The following ROCK1 variants were observed in gnomAD, a reference collection of about 807,000 sequenced individuals.
ROCK1 encodes rho-associated protein kinase 1.
In ROCK1, 36 loss-of-function variants were observed where a neutral mutation model predicts 196.8. The ratio of observed to expected loss-of-function variants is 0.18; its 90% confidence interval spans 0.14 to 0.24. The LOEUF (loss-of-function observed/expected upper bound fraction) is 0.24. Ranked by LOEUF, ROCK1 falls within the 10% of genes least tolerant of loss-of-function variation. The pLI is 1.00. For synonymous variants in ROCK1, 443 were observed against 515.9 expected, an observed-to-expected ratio of 0.86 and a Z score of 1.91; for missense variants, 920 against 1,562.0, an observed-to-expected ratio of 0.59 and a Z score of 6.93.
At chr18:21,078,243 C>T (rs569482560) in intron 1 of ROCK1, among the ~76,000 whole-genome samples, 1 of 151,864 alleles carries the variant, frequency 6.6e-6, no homozygotes, top group African/African-American at 2.4e-5. Context: ...GTGCGAGAAT[C>T]GTTTGAACCC....
At chr18:21,040,371 T>C (rs1168423313) in intron 8 of ROCK1, among the ~76,000 whole-genome samples, 1 of 152,210 alleles carries the variant, frequency 6.6e-6, no homozygotes, top group Non-Finnish European at 1.5e-5. Flanking sequence ...AGCCAATGAC[T>C]ACTAATTCTT....
chr18:20,962,636 G>A (rs990015472), intron 27 of ROCK1, among the ~76,000 whole-genome samples: 6 of 151,988 alleles, frequency 3.9e-5, no homozygotes, highest in African/African-American at 1.4e-4. Flanking sequence ...TATATATCAA[G>A]GGAATCTTAT....
At chr18:20,998,236 A>G (rs1399098631) in intron 16 of ROCK1, among the ~76,000 whole-genome samples, 1 of 152,322 alleles carries the variant, frequency 6.6e-6, no homozygotes, top group Admixed American at 6.5e-5. Context: ...GAAAATTAAA[A>G]TATTTCCTGA....
At chr18:21,084,649 AC>A (rs2036511389) in intron 1 of ROCK1, among the ~76,000 whole-genome samples, 4 of 152,330 alleles carry the variant, frequency 2.6e-5, no homozygotes, top group African/African-American at 9.6e-5. Flanking sequence ...TGAAACTGGA[AC>A]CCTTGGCAAT....
chr18:20,959,808 A>G lies in ROCK1; in HGVS notation c.3512+32T>C, dbSNP rs759636052. 1.4e-5 allele frequency: 17 copies of G among 1,184,260 alleles called. 1 individual carries two copies. The Admixed American group carries it at 2.4e-4, about 17-fold the overall frequency. 73.4% of individuals were successfully genotyped at this position (1,184,260 alleles called of 1,614,324 possible). A position where few individuals can be genotyped will look rare whatever the true frequency, so the allele number is the denominator to read the frequency against. ...AATAATTATCAAAAGTTAGCTCTCA[A>G]CCCCTTTAAAATTCAATCAAAGGCA... On this transcript the variant is annotated intron_variant, in intron 29 of 32. Coordinates refer to ENST00000399799, the MANE Select transcript of ROCK1 (RefSeq NM_005406.3).
intron 2 of ROCK1, among the ~76,000 whole-genome samples, chr18:21,053,378 T>C (rs995035897): frequency 7.9e-5 from 12 of 152,218 alleles, no homozygotes; most frequent in Non-Finnish European, 1.3e-4. Flanking sequence ...TTTCTCACTG[T>C]TGCTGTCCTA....
At chr18:21,102,252 C>G (rs1459267670) in intron 1 of ROCK1, among the ~76,000 whole-genome samples, 1 of 152,168 alleles carries the variant, frequency 6.6e-6, no homozygotes, top group Non-Finnish European at 1.5e-5. Flanking sequence ...TCAAGTGAAT[C>G]TGATACAATC....
intron 2 of ROCK1, among the ~76,000 whole-genome samples, chr18:21,069,045 G>A (rs1346016017): frequency 6.6e-6 from 1 of 152,072 alleles, no homozygotes; most frequent in Non-Finnish European, 1.5e-5. Context: ...CCAATCTTAG[G>A]GGAAAAGCAT....
At position 21,008,294 on chromosome 18, in the gene ROCK1, AAG is replaced by A. The variant is rs2035785867; in HGVS notation, c.1411-102_1411-101del. On this transcript the variant is annotated intron_variant, in intron 13 of 32. Transcript: ENST00000399799. ...AAAAACAAAAAACAAGAAAAAAAAA[AAG>A]ACAAACACTTAAGATGAATGTTCTG... 3.5e-6 allele frequency: 3 copies of A among 862,720 alleles called. No homozygotes were observed. In the East Asian group the frequency reaches 8.3e-5, roughly 24 times the overall value. The allele number at this position is 862,720 out of a possible 1,614,324, so 53.4% of individuals were successfully genotyped here. A position where few individuals can be genotyped will look rare whatever the true frequency, so the allele number is the denominator to read the frequency against.
rs2035167514 is a variant in ROCK1 at position 20,949,902 on chromosome 18, CATT to C, written c.*1479_*1481del. 1 of 152,654 alleles carries C rather than the reference CATT, an allele frequency of 6.6e-6. No homozygotes were observed. 9.5% of individuals were successfully genotyped at this position (152,654 alleles called of 1,614,324 possible). ...CCATCCATAAATTACTTTTATTTCT[CATT>C]AAATGAGCACAGAGTCATTAGTATA... On this transcript the variant is annotated 3_prime_UTR_variant, in exon 33 of 33. Coordinates refer to ENST00000399799, the MANE Select transcript of ROCK1 (RefSeq NM_005406.3).
At chr18:21,011,889 GA>G (rs1221082017) in intron 13 of ROCK1, among the ~76,000 whole-genome samples, 2 of 152,130 alleles carry the variant, frequency 1.3e-5, no homozygotes, top group Middle Eastern at 3.4e-3. Context: ...ATAAAGAGGA[GA>G]AAAAAATGTA....
intron 10 of ROCK1, among the ~76,000 whole-genome samples, chr18:21,025,201 T>A (rs1206430957): frequency 6.6e-6 from 1 of 152,234 alleles, no homozygotes; most frequent in Non-Finnish European, 1.5e-5. Flanking sequence ...TTACATAGAA[T>A]CTGGTCATTT....
At chr18:21,038,898 C>CT (rs1178139250) in intron 9 of ROCK1, among the ~76,000 whole-genome samples, 3 of 152,126 alleles carry the variant, frequency 2.0e-5, no homozygotes, top group Non-Finnish European at 2.9e-5. Flanking sequence ...GTAATTTTAA[C>CT]TTTTTTTAAA....
chr18:21,029,087 C>A (rs1220075543), intron 9 of ROCK1, 152 bp from the exon 10 acceptor site: 3 of 655,224 alleles, frequency 4.6e-6, no homozygotes, highest in Non-Finnish European at 7.8e-6. Flanking sequence ...TCAAGCTTTA[C>A]CAGGACTAAA....
At position 20,992,893 on chromosome 18, in the gene ROCK1, T is replaced by G; in HGVS notation, c.1930A>C (p.Asn644His). Residue 644 changes from asparagine to histidine, a missense_variant, in exon 17 of 33, where the codon AAT (asparagine) becomes CAT (histidine). Coordinates refer to ENST00000399799, the MANE Select transcript of ROCK1 (RefSeq NM_005406.3). ...CTTTCTCCTTCCACTTTTTCGAGAT[T>G]ATGTTTGAGATGCTTCACCTCCTCT... is the stretch of plus-strand genomic sequence containing the variant. The part of the protein sequence containing the change: ...LQEEVKHLKH[N>H]LEKVEGERKE... 6.2e-7 allele frequency: 1 copy of G among 1,612,868 alleles called. No homozygotes were observed. The highest frequency in any genetic ancestry group is 8.5e-7 in the Non-Finnish European group (1 of 1,179,264).
chr18:20,980,722 C>G (rs1301105395), intron 21 of ROCK1, among the ~76,000 whole-genome samples: 4 of 151,770 alleles, frequency 2.6e-5, no homozygotes, highest in Non-Finnish European at 5.9e-5. Flanking sequence ...TGAGAGCATC[C>G]TGGCTAACAC....
chr18:21,055,337 G>A (rs970108020), intron 2 of ROCK1, among the ~76,000 whole-genome samples: 8 of 151,776 alleles, frequency 5.3e-5, no homozygotes, highest in South Asian at 2.1e-4. Flanking sequence ...TCCTAGAGAC[G>A]TATTTCAAGT....
At chr18:21,091,567 C>T (rs2036570314) in intron 1 of ROCK1, among the ~76,000 whole-genome samples, 1 of 152,204 alleles carries the variant, frequency 6.6e-6, no homozygotes, top group Admixed American at 6.5e-5. Context: ...CATGCCACTG[C>T]ACTCCAGCCT....
At chr18:21,002,716 G>A (rs1312873768) in intron 16 of ROCK1, among the ~76,000 whole-genome samples, 1 of 151,960 alleles carries the variant, frequency 6.6e-6, no homozygotes, top group Non-Finnish European at 1.5e-5. Context: ...AAAAGATACA[G>A]CCAGACTTTA....
Sources: gnomAD v4.1 joint callset for allele counts (sites outside exome capture counted in the v4.1 genomes callset) on GRCh38, gnomAD v4.1.1 for gene constraint, MANE v1.5 for transcripts, NCBI Gene and HGNC (gene_info 2026-07-23, HGNC 2026-07-21) for gene names.